The following CEP104 variants were observed in gnomAD, a reference collection of about 807,000 sequenced individuals.
CEP104 encodes centrosomal protein of 104 kDa.
Under a neutral mutation model 113.3 loss-of-function variants are expected in CEP104, and 84 were observed. The ratio of observed to expected loss-of-function variants is 0.74; its 90% CI spans 0.62 to 0.89. The LOEUF (loss-of-function observed/expected upper bound fraction) is 0.89, where lower values mean the gene tolerates loss of function less well. Ranked by LOEUF, CEP104 falls within the 40% of genes least tolerant of loss-of-function variation. The pLI is 0.00. For missense variants in CEP104, 1,053 were observed against 1,156.6 expected (o/e 0.91, Z 1.30); for synonymous variants, 378 against 421.7 (o/e 0.90, Z 1.27).
chr1:3,854,550 C>A (rs548750653), intron 1 of CEP104, among the ~76,000 whole-genome samples: 238 of 151,842 alleles, frequency 1.6e-3, no homozygotes, highest in South Asian at 0.01. Flanking sequence ...CTCATTGTAA[C>A]CTCTGTCTCC....
In CEP104 at chr1:3,823,499, C is replaced by T. The variant is rs751567703; in HGVS notation, c.2428G>A (p.Gly810Arg). ...GCCTCACTGCAACGGTAACACTTTC[C>T]AAACCCGTCTTTTTTGTCACATTCC... ...LTECDKKDGF[G>R]KCYRCSEAVF... is the part of the protein sequence containing the mutation. The change falls in exon 19 of 22, where the codon GGA becomes AGA. Residue 810 changes from glycine (G) to arginine (R), a missense_variant. Coordinates refer to ENST00000378230, the MANE Select transcript of CEP104 (RefSeq NM_014704.4). The surrounding 1 kb of genome is among the most constrained non-coding windows in gnomAD (Gnocchi z 4.1). 13 of 1,614,110 alleles carry T rather than the reference C, an allele frequency of 8.1e-6. No individual in the cohort carries two copies. The South Asian group carries it at 1.2e-4, about 15-fold the overall frequency.
chr1:3,853,658 G>A (rs1250970779), intron 1 of CEP104, among the ~76,000 whole-genome samples: 3 of 152,168 alleles, frequency 2.0e-5, no homozygotes, highest in African/African-American at 7.2e-5. Context: ...TTCTTGGAAT[G>A]TATGAACAAA....
chr1:3,850,659 T>C (rs1399474797), intron 2 of CEP104, among the ~76,000 whole-genome samples: 1 of 152,190 alleles, frequency 6.6e-6, no homozygotes, highest in East Asian at 1.9e-4. Flanking sequence ...AGGCTCGGCT[T>C]CAGGGTATCC....
At chr1:3,847,449 C>A in intron 4 of CEP104, 26 bp downstream of exon 4, 1 of 1,550,008 alleles carries the variant, frequency 6.5e-7, no homozygotes, top group South Asian at 1.3e-5. Flanking sequence ...GGGGCAGAAT[C>A]AAAGGCGAAG....
chr1:3,822,770 A>T (rs76736198), intron 20 of CEP104: 3,312 of 168,376 alleles, frequency 0.02, 114 homozygotes, highest in African/African-American at 0.075. Flanking sequence ...CAGGTAGGAA[A>T]GAGAATCGTT....
rs1643809811 is a variant in CEP104, at chr1:3,812,291, A to C, written c.*3111T>G. On this transcript the variant is annotated 3_prime_UTR_variant, in exon 22 of 22. Transcript: ENST00000378230. ...TATCCTAATGCCAATTTATACATAC[A>C]ATTCTTTTAAGTTAGATTTAATGGA... 1 of 152,246 alleles carries C rather than the reference A, an allele frequency of 6.6e-6. No individual in the cohort carries two copies. Among genetic ancestry groups the C allele is most frequent in the African/African-American group, 2.4e-5 (1 of 41,476 alleles). 9.4% of individuals were successfully genotyped at this position (152,246 alleles called of 1,614,324 possible). A position where few individuals can be genotyped will look rare whatever the true frequency, so the allele number is the denominator to read the frequency against.
At chr1:3,825,936 T>A in intron 17 of CEP104, 70 bp from the exon 18 acceptor site, 1 of 1,036,612 alleles carries the variant, frequency 9.6e-7, no homozygotes, top group Non-Finnish European at 1.5e-6. Context: ...CGCTCCCACG[T>A]CACGAGGAAA....
intron 20 of CEP104, among the ~76,000 whole-genome samples, chr1:3,818,974 A>C (rs1643921384): frequency 1.3e-5 from 2 of 152,214 alleles, no homozygotes; most frequent in African/African-American, 4.8e-5. Flanking sequence ...TGAGAGATTC[A>C]TAATTGGGCC....
At chr1:3,854,898 G>T (rs1339681949) in intron 1 of CEP104, among the ~76,000 whole-genome samples, 4 of 147,114 alleles carry the variant, frequency 2.7e-5, no homozygotes, top group Non-Finnish European at 6.0e-5. Context: ...TTGAGAGAGG[G>T]TCTCACTCTG....
At chr1:3,848,409 G>A (rs1644547686) in intron 3 of CEP104, among the ~76,000 whole-genome samples, 199 bp downstream of exon 3, 2 of 151,674 alleles carry the variant, frequency 1.3e-5, no homozygotes, top group African/African-American at 4.8e-5. Flanking sequence ...GCGGGCACCT[G>A]TAGTCCCAGC....
chr1:3,848,404 C>G lies in CEP104; in HGVS notation c.287+204G>C, dbSNP rs184171642. Among the ~76,000 whole-genome samples, 2,168 of 151,770 alleles carry G rather than the reference C, an allele frequency of 0.014. 40 individuals are homozygous for G. The highest frequency in any genetic ancestry group is 0.071 in the South Asian group (341 of 4,804). ...AAAATTAGCCGGGCGTGATGGCGGG[C>G]ACCTGTAGTCCCAGCTACTCGGGAG... On this transcript the variant is annotated intron_variant, in intron 3 of 21. Transcript: ENST00000378230.
intron 10 of CEP104, among the ~76,000 whole-genome samples, chr1:3,836,148 T>C (rs1213534410): frequency 6.6e-6 from 1 of 151,566 alleles, no homozygotes; most frequent in Non-Finnish European, 1.5e-5. Context: ...AAAAAAAAAT[T>C]ACAAAAAATT....
At position 3,850,886 on chromosome 1, in the gene CEP104, C is replaced by CA. The variant is rs371869453; in HGVS notation, c.113+1408dup. ...CTGGTGTGATTTTTATAACTACTAC[C>CA]AAAAAGGGTGGCTGTGTGTATACTT... is the stretch of plus-strand genomic sequence containing the variant. On this transcript the variant is annotated intron_variant, in intron 2 of 21. Coordinates refer to ENST00000378230, the MANE Select transcript of CEP104 (RefSeq NM_014704.4). Among the ~76,000 whole-genome samples, 910 of 152,288 alleles carry CA rather than the reference C, an allele frequency of 6.0e-3. 10 individuals are homozygous for CA. Among genetic ancestry groups the CA allele is most frequent in the African/African-American group, 0.02 (847 of 41,564 alleles).
intron 20 of CEP104, chr1:3,822,708 T>TCAA (rs201213973): frequency 6.5e-6 from 1 of 154,194 alleles, no homozygotes; most frequent in South Asian, 2.0e-4. Context: ...CGTCCCCACT[T>TCAA]GCCTGCTGAG....
intron 13 of CEP104, 68 bp downstream of exon 13, chr1:3,830,978 C>T (rs75187319): frequency 2.1e-6 from 3 of 1,441,530 alleles, no homozygotes; most frequent in South Asian, 1.3e-5. Context: ...CGATGAGACC[C>T]TCGCCACGCT....
chr1:3,829,265 C>G lies in CEP104; in HGVS notation c.2151+1G>C. ...AGGTGAAAGACGTGTTAACTTCCAA[C>G]CTGAACTTCAGCCTGAATTTCTTTC... On this transcript the variant is annotated splice_donor_variant, in intron 15 of 21. Coordinates refer to ENST00000378230, the MANE Select transcript of CEP104 (RefSeq NM_014704.4). LOFTEE classifies it high-confidence loss of function. 6.3e-7 allele frequency: 1 copy of G among 1,578,984 alleles called. No homozygotes were observed. Among genetic ancestry groups the G allele is most frequent in the African/African-American group, 1.4e-5 (1 of 72,748 alleles).
intron 8 of CEP104, among the ~76,000 whole-genome samples, chr1:3,837,911 C>T (rs1336390300): frequency 6.6e-6 from 1 of 152,260 alleles, no homozygotes; most frequent in African/African-American, 2.4e-5. Flanking sequence ...CTGCTATTCA[C>T]TGTGTGTACA....
At position 3,829,836 on chromosome 1, in the gene CEP104, C is replaced by G; in HGVS notation, c.1998G>C (p.Glu666Asp). The change falls in exon 14 of 22, where the codon GAG (glutamate) becomes GAC (aspartate). Residue 666 changes from glutamate (E) to aspartate (D), a missense_variant. By Grantham distance (45) the Glu-to-Asp change is conservative (BLOSUM62 2). Coordinates refer to ENST00000378230, the MANE Select transcript of CEP104 (RefSeq NM_014704.4). ...CTCTGCCATCTATTTTAGCAAATCC[C>G]TCAAAAATTGTTTTGTAGAGAATGT... The part of the protein sequence containing the change: ...RRNILYKTIF[E>D]GFAKIDGRAT... The G allele has an allele frequency of 1.2e-6, 2 of 1,614,196 alleles. No homozygotes were observed. The highest frequency in any genetic ancestry group is 1.7e-6 in the Non-Finnish European group (2 of 1,180,046).
intron 2 of CEP104, 99 bp from the exon 3 acceptor site, chr1:3,848,880 A>C (rs2124694028): frequency 1.1e-6 from 1 of 893,550 alleles, no homozygotes. Flanking sequence ...TTAACCACAC[A>C]CCCACTTTGA....
Sources: allele counts gnomAD v4.1 joint callset (sites outside exome capture counted in the v4.1 genomes callset), GRCh38; gene constraint gnomAD v4.1.1; non-coding constraint Gnocchi (gnomAD v3.1); transcripts MANE v1.5; gene names NCBI Gene and HGNC (gene_info 2026-07-23, HGNC 2026-07-21).